Variants in MYLK observed in about 807,000 individuals in gnomAD.
MYLK encodes myosin light chain kinase.
In MYLK, 106 loss-of-function variants were observed where a neutral mutation model predicts 203.4. The observed-to-expected ratio is 0.52, with a 90% CI of 0.45 to 0.61. MYLK has a LOEUF of 0.61. MYLK is among the 20% of genes least tolerant of loss of function. The pLI is 0.00. For synonymous variants in MYLK, 867 were observed against 959.5 expected, an observed-to-expected ratio of 0.90 and a Z score of 1.78; for missense variants, 2,072 against 2,442.3, an observed-to-expected ratio of 0.85 and a Z score of 3.20.
chr3:123,734,750 T>A (rs1178231473), intron 9 of MYLK: 1 of 158,774 alleles, frequency 6.3e-6, no homozygotes, highest in Non-Finnish European at 1.4e-5. Flanking sequence ...TCCTTCTGGG[T>A]CCCCATGGGC....
At chr3:123,625,546 C>T (rs369763745) in intron 31 of MYLK, among the ~76,000 whole-genome samples, 43 of 151,736 alleles carry the variant, frequency 2.8e-4, no homozygotes, top group African/African-American at 1.0e-3. Context: ...TGGTGGCTCA[C>T]GCCTGTAATT....
At chr3:123,860,971 A>C (rs1283278998) in intron 2 of MYLK, among the ~76,000 whole-genome samples, 1 of 152,096 alleles carries the variant, frequency 6.6e-6, no homozygotes, top group Non-Finnish European at 1.5e-5. Context: ...TCTACTAAAA[A>C]TACAAAAAAT....
At chr3:123,690,066 G>A (rs948623931) in intron 19 of MYLK, among the ~76,000 whole-genome samples, 10 of 152,168 alleles carry the variant, frequency 6.6e-5, no homozygotes, top group African/African-American at 2.4e-4. Context: ...GAATGATAGC[G>A]ACTTTCAGGG....
chr3:123,817,074 A>C (rs1173961399), intron 3 of MYLK, among the ~76,000 whole-genome samples: 1 of 152,022 alleles, frequency 6.6e-6, no homozygotes, highest in Non-Finnish European at 1.5e-5. Flanking sequence ...TCACTTCCTC[A>C]CTCTCTCACT....
At chr3:123,673,422 G>A (rs1474586007) in intron 20 of MYLK, among the ~76,000 whole-genome samples, 2 of 151,914 alleles carry the variant, frequency 1.3e-5, no homozygotes, top group African/African-American at 2.4e-5. Context: ...CTCAGTGCAT[G>A]TTCTAACATC....
chr3:123,850,927 T>C (rs1339235012), intron 2 of MYLK, among the ~76,000 whole-genome samples: 1 of 152,194 alleles, frequency 6.6e-6, no homozygotes, highest in Non-Finnish European at 1.5e-5. Context: ...TTGTATAAGG[T>C]GTAAGGAGGG....
chr3:123,661,557 C>A (rs1001245502), intron 23 of MYLK, among the ~76,000 whole-genome samples: 3 of 152,108 alleles, frequency 2.0e-5, no homozygotes, highest in Admixed American at 6.6e-5. Flanking sequence ...TTCCCTGACC[C>A]CTTTGTACAC....
intron 2 of MYLK, among the ~76,000 whole-genome samples, chr3:123,867,847 C>A (rs1307440969): frequency 6.6e-6 from 1 of 152,230 alleles, no homozygotes; most frequent in Non-Finnish European, 1.5e-5. Context: ...CTCAGGTCCA[C>A]AGCTCATAAG....
chr3:123,617,107 C>T (rs957661411), intron 33 of MYLK: 1 of 152,168 alleles, frequency 6.6e-6, no homozygotes, highest in African/African-American at 2.4e-5. Flanking sequence ...CACTCCCATG[C>T]CCTGCACCCT....
At chr3:123,647,137 G>T in intron 27 of MYLK, 87 bp downstream of exon 27, 1 of 1,221,080 alleles carries the variant, frequency 8.2e-7, no homozygotes, top group Non-Finnish European at 1.2e-6. Context: ...TTCCATCTTG[G>T]GGCAGAGGTG....
At chr3:123,745,939 C>T (rs944985336) in intron 5 of MYLK, among the ~76,000 whole-genome samples, 2 of 152,040 alleles carry the variant, frequency 1.3e-5, no homozygotes, top group Admixed American at 6.6e-5. Flanking sequence ...CTCACTGCAA[C>T]CTCCTCATGT....
chr3:123,773,793 T>C (rs1479018825), intron 4 of MYLK, among the ~76,000 whole-genome samples: 1 of 152,196 alleles, frequency 6.6e-6, no homozygotes, highest in Non-Finnish European at 1.5e-5. Flanking sequence ...AGCCCATCCA[T>C]CACACATCCA....
chr3:123,755,005 C>G (rs1026676495), intron 4 of MYLK, among the ~76,000 whole-genome samples: 2 of 152,198 alleles, frequency 1.3e-5, no homozygotes, highest in African/African-American at 4.8e-5. Flanking sequence ...CATCAGACAA[C>G]AATTACACTG....
chr3:123,827,886 G>C (rs2700346), intron 3 of MYLK, among the ~76,000 whole-genome samples: 24,514 of 149,216 alleles, frequency 0.16, 2,177 homozygotes, highest in South Asian at 0.22. Context: ...AAGCAAATCC[G>C]ATTTACAATA....
rs558981806 is a variant in MYLK, at chr3:123,871,856, T to G, written c.-127+4703A>C. Among the ~76,000 whole-genome samples, 3 of 54,412 alleles carry G rather than the reference T, an allele frequency of 5.5e-5. No homozygotes were observed. The East Asian group carries it at 6.1e-4, about 11-fold the overall frequency. 35.7% of individuals were successfully genotyped at this position (54,412 alleles called of 152,430 possible). ...AAACCAGACAAAGACATCGGATCAA[T>G]ATCCTTCATGAATATAGACACAAAA... On this transcript the variant is annotated intron_variant, in intron 2 of 33. Transcript: ENST00000360304.
intron 4 of MYLK, among the ~76,000 whole-genome samples, chr3:123,770,187 G>T (rs1001334813): frequency 2.6e-5 from 4 of 151,892 alleles, no homozygotes. Flanking sequence ...AGCTGGGCGT[G>T]GTGGCGGGCA....
chr3:123,757,819 T>C (rs148202003), intron 4 of MYLK, among the ~76,000 whole-genome samples: 179 of 152,328 alleles, frequency 1.2e-3, no homozygotes, highest in Non-Finnish European at 1.7e-3. Context: ...ACACTGTCTA[T>C]GTATTCATGA....
At chr3:123,862,084 G>A (rs1479636542) in intron 2 of MYLK, among the ~76,000 whole-genome samples, 1 of 152,248 alleles carries the variant, frequency 6.6e-6, no homozygotes, top group Non-Finnish European at 1.5e-5. Context: ...TCCTAAGGAA[G>A]GCTCTAAGGC....
intron 11 of MYLK, 117 bp downstream of exon 11, chr3:123,732,779 G>T: frequency 2.0e-6 from 2 of 994,786 alleles, no homozygotes; most frequent in African/African-American, 3.2e-5. Context: ...TGACATTTCT[G>T]TCGGGCTGTG....
Sources: allele counts gnomAD v4.1 joint callset (sites outside exome capture counted in the v4.1 genomes callset), GRCh38; gene constraint gnomAD v4.1.1; transcripts MANE v1.5; gene names NCBI Gene and HGNC (gene_info 2026-07-23, HGNC 2026-07-21).